Variants in MMP15 observed in about 807,000 individuals in gnomAD.
MMP15 encodes matrix metallopeptidase 15.
MMP15 carries 36 observed loss-of-function variants against 65.0 expected under a neutral mutation model. The observed-to-expected ratio is 0.55, with a 90% confidence interval of 0.42 to 0.73. The LOEUF (loss-of-function observed/expected upper bound fraction) is 0.73, where lower values mean the gene tolerates loss of function less well. MMP15 is among the 30% of genes least tolerant of loss of function. MMP15 has a pLI of 0.00. For synonymous variants in MMP15, 428 were observed against 410.2 expected (o/e 1.04, Z -0.52); for missense variants, 870 against 987.8 (o/e 0.88, Z 1.60).
intron 9 of MMP15, among the ~76,000 whole-genome samples, chr16:58,044,782 T>C (rs1183867967): frequency 3.3e-5 from 5 of 152,170 alleles, no homozygotes; most frequent in Non-Finnish European, 7.4e-5. Context: ...CCCCAGCTAA[T>C]GTCAGTCTGG....
chr16:58,027,353 T>C (rs1465602143), intron 1 of MMP15, among the ~76,000 whole-genome samples: 3 of 152,180 alleles, frequency 2.0e-5, no homozygotes, highest in Non-Finnish European at 2.9e-5. Flanking sequence ...CCCAGCTCCA[T>C]GGTGTCTCCC....
intron 1 of MMP15, among the ~76,000 whole-genome samples, chr16:58,037,210 C>G (rs772990924): frequency 6.6e-6 from 1 of 152,204 alleles, no homozygotes; most frequent in East Asian, 1.9e-4. Context: ...GTACAAATGG[C>G]TTTTCCTTTG....
chr16:58,041,742 C>T lies in MMP15; in HGVS notation c.1036C>T (p.Arg346Trp), dbSNP rs375076496. 2.2e-4 allele frequency: 344 copies of T among 1,596,702 alleles called. 1 individual carries two copies. The highest frequency in any genetic ancestry group is 2.7e-4 in the Non-Finnish European group (318 of 1,171,428). The part of the protein sequence containing the change: ...QPPPPGGKPE[R>W]PPKPGPPVQP... The stretch of plus-strand genomic sequence containing the variant: ...ACCACCCCCAGGTGGGAAGCCAGAG[C>T]GGCCCCCAAAGCCGGGCCCCCCAGT... The change falls in exon 6 of 10, where the codon CGG (arginine) becomes TGG (tryptophan). Residue 346 changes from arginine to tryptophan, a missense_variant. Transcript: ENST00000219271.
At chr16:58,039,116 C>A (rs925681343) in intron 3 of MMP15, among the ~76,000 whole-genome samples, 2 of 152,228 alleles carry the variant, frequency 1.3e-5, no homozygotes, top group African/African-American at 4.8e-5. Flanking sequence ...ACCACACACA[C>A]ACTCTTTTCT....
At chr16:58,037,402 C>T (rs769950900) in intron 1 of MMP15, 70 bp from the exon 2 acceptor site, 93 of 1,562,206 alleles carry the variant, frequency 6.0e-5, no homozygotes, top group Non-Finnish European at 7.4e-5. Context: ...GGGAAGTGGT[C>T]GGCACAGGCT....
chr16:58,040,498 C>G, intron 4 of MMP15, 39 bp from the exon 5 acceptor site: 1 of 1,601,458 alleles, frequency 6.2e-7, no homozygotes, highest in Non-Finnish European at 8.5e-7. Flanking sequence ...CTGGGACTGG[C>G]CACAGCTGAC....
At chr16:58,039,234 A>G (rs1386821006) in intron 3 of MMP15, among the ~76,000 whole-genome samples, 5 of 152,216 alleles carry the variant, frequency 3.3e-5, no homozygotes, top group Non-Finnish European at 4.4e-5. Flanking sequence ...GGAGTTCGAA[A>G]CCAGCCTGAC....
chr16:58,036,142 C>G (rs1567429570), intron 1 of MMP15, among the ~76,000 whole-genome samples: 1 of 152,226 alleles, frequency 6.6e-6, no homozygotes, highest in Non-Finnish European at 1.5e-5. Context: ...GCTTCTCACT[C>G]TGGAGACCCC....
intron 5 of MMP15, 189 bp downstream of exon 5, chr16:58,040,887 A>G (rs926269489): frequency 2.3e-6 from 2 of 858,526 alleles, no homozygotes; most frequent in Admixed American, 4.1e-5. Flanking sequence ...GGCTGCCTCC[A>G]GGGCCTGGGC....
intron 3 of MMP15, among the ~76,000 whole-genome samples, chr16:58,039,356 C>T (rs186376151): frequency 3.9e-5 from 6 of 152,370 alleles, no homozygotes; most frequent in South Asian, 2.1e-4. Context: ...CACTTGAACC[C>T]GGGAGGTGGA....
At chr16:58,027,520 C>T (rs1052740556) in intron 1 of MMP15, among the ~76,000 whole-genome samples, 2 of 152,182 alleles carry the variant, frequency 1.3e-5, no homozygotes, top group South Asian at 2.1e-4. Flanking sequence ...CGCTTCTGAA[C>T]GGTGCTCAGG....
In MMP15 at chr16:58,036,390, G is replaced by A. The variant is rs147108728; in HGVS notation, c.163-1082G>A. On this transcript the variant is annotated intron_variant, in intron 1 of 9. Coordinates refer to ENST00000219271, the MANE Select transcript of MMP15 (RefSeq NM_002428.4). ...TTGTAGGTGTGTTGGGTCTCCCAGG[G>A]AGACTGTAAGTTCCTGAAGGCCAGG... Among the ~76,000 whole-genome samples, 265 of 152,300 alleles carry A rather than the reference G, an allele frequency of 1.7e-3. 1 individual carries two copies. The highest frequency in any genetic ancestry group is 3.4e-3 in the Middle Eastern group (1 of 294).
At position 58,045,498 on chromosome 16, in the gene MMP15, T is replaced by C; in HGVS notation, c.*52T>C. 1 of 1,446,918 alleles carries C rather than the reference T, an allele frequency of 6.9e-7. No individual in the cohort carries two copies. Among genetic ancestry groups the C allele is most frequent in the East Asian group, 2.5e-5 (1 of 40,132 alleles). 89.6% of individuals were successfully genotyped at this position (1,446,918 alleles called of 1,614,324 possible). A position where few individuals can be genotyped will look rare whatever the true frequency, so the allele number is the denominator to read the frequency against. ...TCAGGGGGCGCCTGTGGTTCTGAGA[T>C]GGCTCCCAGGGGCTCCCTCCGCCCC... On this transcript the variant is annotated 3_prime_UTR_variant, in exon 10 of 10. Coordinates refer to ENST00000219271, the MANE Select transcript of MMP15 (RefSeq NM_002428.4).
chr16:58,039,810 A>C, intron 3 of MMP15, 65 bp from the exon 4 acceptor site: 1 of 1,504,592 alleles, frequency 6.6e-7, no homozygotes, highest in South Asian at 1.3e-5. Context: ...TCTTGGGAAC[A>C]TGCCAGCAGA....
Position 58,045,369 on chromosome 16 carries a change from G to T in MMP15, c.1933G>T (p.Ala645Ser). 2 of 1,596,074 alleles carry T rather than the reference G, an allele frequency of 1.3e-6. No homozygotes were observed. Among genetic ancestry groups the T allele is most frequent in the Non-Finnish European group, 1.7e-6 (2 of 1,173,640 alleles). Residue 645 changes from alanine (A) to serine (S), a missense_variant, in exon 10 of 10, where the codon GCG becomes TCG. Coordinates refer to ENST00000219271, the MANE Select transcript of MMP15 (RefSeq NM_002428.4). ...LLLCVLGLTY[A>S]LVQMQRKGAP... ...GCTCTGCGTCCTGGGCCTCACCTAC[G>T]CGCTGGTGCAGATGCAGCGCAAGGG...
chr16:58,026,378 C>T lies in MMP15; in HGVS notation c.28C>T (p.Arg10Trp). 7.2e-7 allele frequency: 1 copy of T among 1,379,444 alleles called. No individual in the cohort carries two copies. Among genetic ancestry groups the T allele is most frequent in the Non-Finnish European group, 9.3e-7 (1 of 1,075,418 alleles). 85.5% of individuals were successfully genotyped at this position (1,379,444 alleles called of 1,614,324 possible). Residue 10 changes from arginine to tryptophan, a missense_variant, in exon 1 of 10, where the codon CGG becomes TGG. Transcript: ENST00000219271. ...GGGCAGCGACCCGAGCGCGCCCGGA[C>T]GGCCGGGCTGGACGGGCAGCCTCCT... MGSDPSAPG[R>W]PGWTGSLLGD...
chr16:58,037,723 A>G, intron 2 of MMP15, 103 bp downstream of exon 2: 1 of 1,506,992 alleles, frequency 6.6e-7, no homozygotes, highest in Non-Finnish European at 9.0e-7. Context: ...AGTGGCCTAG[A>G]TAAGAGATGC....
rs1959430372 is a variant in MMP15 at position 58,040,518 on chromosome 16, C to T, written c.749-19C>T. The T allele has an allele frequency of 6.2e-7, 1 of 1,608,960 alleles. No homozygotes were observed. The highest frequency in any genetic ancestry group is 1.7e-5 in the Admixed American group (1 of 59,976). On this transcript the variant is annotated intron_variant, in intron 4 of 9. Transcript: ENST00000219271. Reference sequence around the variant, plus strand: ...ACTGGCCACAGCTGACTGTGCTGCCCTCCTTCTCTCCCCAAAAGGAAACAA... The same window carrying T: ...ACTGGCCACAGCTGACTGTGCTGCCTTCCTTCTCTCCCCAAAAGGAAACAA...
chr16:58,044,826 C>A (rs1333410920), intron 9 of MMP15, among the ~76,000 whole-genome samples, 181 bp from the exon 10 acceptor site: 1 of 152,214 alleles, frequency 6.6e-6, no homozygotes, highest in Non-Finnish European at 1.5e-5. Context: ...GTACCCTTAG[C>A]CCAAAGCCCT....
Sources: gnomAD v4.1 joint callset for allele counts (sites outside exome capture counted in the v4.1 genomes callset) on GRCh38, gnomAD v4.1.1 for gene constraint, MANE v1.5 for transcripts, NCBI Gene and HGNC (gene_info 2026-07-23, HGNC 2026-07-21) for gene names.